Variants in LUZP2 observed in about 807,000 individuals in gnomAD.
LUZP2 encodes the protein leucine zipper protein 2.
In LUZP2, 52 loss-of-function variants were observed where a neutral mutation model predicts 51.6. The ratio of observed to expected loss-of-function variants is 1.01; its 90% CI spans 0.81 to 1.27. LUZP2 has a LOEUF of 1.27. LUZP2 is among the 50% of genes most tolerant of loss of function. LUZP2 has a pLI of 0.00. For synonymous variants in LUZP2, 154 were observed against 137.3 expected (o/e 1.12, Z -0.85); for missense variants, 436 against 395.4 (o/e 1.10, Z -0.87).
intron 6 of LUZP2, among the ~76,000 whole-genome samples, chr11:24,909,605 G>A (rs1853564063): frequency 2.0e-5 from 3 of 152,126 alleles, no homozygotes; most frequent in Non-Finnish European, 2.9e-5. Flanking sequence ...CCAATCAACT[G>A]TGCATTTGAA....
intron 7 of LUZP2, among the ~76,000 whole-genome samples, chr11:24,939,533 A>C (rs2133847062): frequency 6.6e-6 from 1 of 152,202 alleles, no homozygotes; most frequent in East Asian, 1.9e-4. Flanking sequence ...GTAGGTATTT[A>C]CTAAATATTC....
intron 9 of LUZP2, among the ~76,000 whole-genome samples, chr11:24,989,735 A>G (rs1449686925): frequency 2.6e-5 from 4 of 152,150 alleles, no homozygotes; most frequent in South Asian, 2.1e-4. Flanking sequence ...CATTTGGGTT[A>G]TATTCAAAGA....
chr11:24,890,979 G>C, intron 5 of LUZP2: 1 of 960,036 alleles, frequency 1.0e-6, no homozygotes, highest in Non-Finnish European at 1.2e-6. Flanking sequence ...GAAATGGCAA[G>C]CATCTCTTCA....
Position 24,659,146 on chromosome 11 carries a change from C to A in LUZP2, c.63-70023C>A, listed in dbSNP as rs551961179. ...CATATGTTTATTGTGGCACTATTCA[C>A]AATAGCAAAGACTTGGAACCAACCC... is the stretch of plus-strand genomic sequence containing the variant. On this transcript the variant is annotated intron_variant, in intron 1 of 11. Coordinates refer to ENST00000336930, the MANE Select transcript of LUZP2 (RefSeq NM_001009909.4). Among the ~76,000 whole-genome samples, 4 of 152,216 alleles carry A rather than the reference C, an allele frequency of 2.6e-5. No homozygotes were observed. In the South Asian group the frequency reaches 8.3e-4, roughly 32 times the overall value.
intron 9 of LUZP2, among the ~76,000 whole-genome samples, chr11:25,002,351 G>A (rs748029230): frequency 6.6e-6 from 1 of 152,154 alleles, no homozygotes; most frequent in Non-Finnish European, 1.5e-5. Flanking sequence ...GGCAGCATAA[G>A]TCTGGACTAT....
At chr11:24,807,448 A>T (rs1019633070) in intron 5 of LUZP2, among the ~76,000 whole-genome samples, 1 of 140,706 alleles carries the variant, frequency 7.1e-6, no homozygotes, top group Non-Finnish European at 1.5e-5. Context: ...GCGACAGAGT[A>T]AGACTCCATC....
intron 7 of LUZP2, among the ~76,000 whole-genome samples, chr11:24,920,828 T>G (rs1449052846): frequency 1.3e-5 from 2 of 151,996 alleles, no homozygotes; most frequent in Non-Finnish European, 2.9e-5. Context: ...AGATGAGAAA[T>G]TATTTAATGT....
intron 7 of LUZP2, among the ~76,000 whole-genome samples, chr11:24,972,417 C>G (rs1855768198): frequency 6.6e-6 from 1 of 151,932 alleles, no homozygotes; most frequent in African/African-American, 2.4e-5. Context: ...TACTATTATT[C>G]ATCTTTAAAG....
At chr11:24,957,782 T>G (rs1052700174) in intron 7 of LUZP2, among the ~76,000 whole-genome samples, 1 of 152,156 alleles carries the variant, frequency 6.6e-6, no homozygotes, top group African/African-American at 2.4e-5. Flanking sequence ...ACTTTAAGTT[T>G]TAGGGTACAT....
intron 1 of LUZP2, among the ~76,000 whole-genome samples, chr11:24,691,505 A>C: frequency 7.0e-6 from 1 of 143,090 alleles, no homozygotes. Context: ...TAACCCCTGT[A>C]TTTCAAGACC....
At chr11:24,912,767 G>A (rs992256100) in intron 6 of LUZP2, among the ~76,000 whole-genome samples, 11 of 152,162 alleles carry the variant, frequency 7.2e-5, no homozygotes, top group South Asian at 4.1e-4. Context: ...CTGAGAATGC[G>A]CCACTGCACT....
intron 1 of LUZP2, among the ~76,000 whole-genome samples, chr11:24,685,843 GAATA>G (rs1484116225): frequency 6.6e-6 from 1 of 152,174 alleles, no homozygotes; most frequent in Admixed American, 6.5e-5. Context: ...CTTGTTGAAT[GAATA>G]AATAAATAGT....
rs768381949 is a variant in LUZP2, at chr11:25,050,026, G to C, written c.766-12G>C. The C allele has an allele frequency of 2.0e-6, 3 of 1,518,522 alleles. No homozygotes were observed. The highest frequency in any genetic ancestry group is 2.4e-5 in the East Asian group (1 of 42,264). 94.1% of individuals were successfully genotyped at this position (1,518,522 alleles called of 1,614,324 possible). On this transcript the variant is annotated splice_polypyrimidine_tract_variant and intron_variant, in intron 9 of 11. Transcript: ENST00000336930. ...GATTTCTTTCTTTCTATCTCTCTTCGTCTCTTTTAAGCCTCAACAAAGTGC... is the reference window on the plus strand; with the variant it reads ...GATTTCTTTCTTTCTATCTCTCTTCCTCTCTTTTAAGCCTCAACAAAGTGC...
In LUZP2 at chr11:24,722,021, T is replaced by A. The variant is rs374954493; in HGVS notation, c.63-7148T>A. Among the ~76,000 whole-genome samples the A allele has an allele frequency of 5.9e-4, 90 of 152,302 alleles. 1 individual carries two copies. The South Asian group carries it at 0.011, about 18-fold the overall frequency. ...AAAATTTATTTATAAAAAATGGCACTGCAAAATATTGGGATTTAATTATAT... is the reference window on the plus strand; with the variant it reads ...AAAATTTATTTATAAAAAATGGCACAGCAAAATATTGGGATTTAATTATAT... On this transcript the variant is annotated intron_variant, in intron 1 of 11. Coordinates refer to ENST00000336930, the MANE Select transcript of LUZP2 (RefSeq NM_001009909.4).
intron 1 of LUZP2, among the ~76,000 whole-genome samples, chr11:24,568,166 C>G (rs2133792652): frequency 6.6e-6 from 1 of 152,106 alleles, no homozygotes; most frequent in East Asian, 1.9e-4. Context: ...TCGAGACCAG[C>G]CTGGCCAAGA....
chr11:24,634,012 A>G (rs1204584564), intron 1 of LUZP2, among the ~76,000 whole-genome samples: 1 of 151,506 alleles, frequency 6.6e-6, no homozygotes, highest in African/African-American at 2.4e-5. Context: ...AACCTGTTTA[A>G]CTATTAAAGC....
chr11:24,777,588 A>C (rs2134067140), intron 5 of LUZP2, among the ~76,000 whole-genome samples: 1 of 152,312 alleles, frequency 6.6e-6, no homozygotes, highest in African/African-American at 2.4e-5. Flanking sequence ...TAGTAAACAT[A>C]TTTGTACTAA....
intron 1 of LUZP2, among the ~76,000 whole-genome samples, chr11:24,703,465 T>G (rs1183202358): frequency 6.6e-6 from 1 of 152,096 alleles, no homozygotes; most frequent in Admixed American, 6.5e-5. Flanking sequence ...AGAACAATGA[T>G]GAAAAATACT....
intron 5 of LUZP2, among the ~76,000 whole-genome samples, chr11:24,859,752 C>A (rs1380216435): frequency 1.3e-5 from 2 of 152,192 alleles, no homozygotes; most frequent in African/African-American, 4.8e-5. Context: ...GACGGGGGAA[C>A]CCCTTTCCCC....
Sources: allele counts gnomAD v4.1 joint callset (sites outside exome capture counted in the v4.1 genomes callset), GRCh38; gene constraint gnomAD v4.1.1; transcripts MANE v1.5; gene names NCBI Gene and HGNC (gene_info 2026-07-23, HGNC 2026-07-21).